GP6: variants seen among roughly 807,000 people sequenced by gnomAD.
The protein encoded by GP6 is glycoprotein VI platelet.
Under a neutral mutation model 37.3 loss-of-function variants are expected in GP6, and 45 were observed. The observed-to-expected ratio is 1.21, with a 90% CI of 0.95 to 1.55. The LOEUF is 1.55. GP6 is among the 40% of genes most tolerant of loss of function. GP6 has a pLI of 0.00. For synonymous variants in GP6, 340 were observed against 316.4 expected, an observed-to-expected ratio of 1.07 and a Z score of -0.79; for missense variants, 813 against 760.2, an observed-to-expected ratio of 1.07 and a Z score of -0.82.
intron 1 of GP6, among the ~76,000 whole-genome samples, chr19:55,033,540 C>T (rs945077921): frequency 2.7e-5 from 4 of 149,416 alleles, no homozygotes; most frequent in Non-Finnish European, 4.4e-5. Context: ...GTGTTAGACA[C>T]GGTGGGCTCG....
chr19:55,015,726 A>G lies in GP6; in HGVS notation c.732T>C (p.Ser244=), dbSNP rs760286317. The G allele has an allele frequency of 4.5e-6, 7 of 1,557,844 alleles. No homozygotes were observed. Among genetic ancestry groups the G allele is most frequent in the Non-Finnish European group, 6.2e-6 (7 of 1,128,296 alleles). Residue 244 remains serine (S), a synonymous_variant, in exon 7 of 8, where the codon TCT becomes TCC. Transcript: ENST00000310373. ...CCTTTGGACTGGCGGTGATACTCCT[A>G]GAAGTCTCTGGGAACCAAACAAAGG... is the stretch of plus-strand genomic sequence containing the variant.
Position 55,038,208 on chromosome 19 carries a change from C to T in GP6, c.29G>A (p.Cys10Tyr). Residue 10 changes from cysteine to tyrosine, a missense_variant, in exon 1 of 8, where the codon TGT (cysteine) becomes TAT (tyrosine). Cys to Tyr is a radical substitution (Grantham distance 194). Transcript: ENST00000310373. ...ATCTGACCCTCAGGACTCACCAAGA[C>T]AGAAGAGGGCGGTCGGGGATGGAGA... 1 of 1,592,552 alleles carries T rather than the reference C, an allele frequency of 6.3e-7. No homozygotes were observed. The highest frequency in any genetic ancestry group is 8.6e-7 in the Non-Finnish European group (1 of 1,168,324).
At position 55,032,455 on chromosome 19, in the gene GP6, T is replaced by C. The variant is rs1671204; in HGVS notation, c.67+51A>G. ...GCAGACCCCGCCTGGACCCCGCTGC[T>C]CCCGCGCTGGCGGATCCCGCAGGAG... On this transcript the variant is annotated intron_variant, in intron 2 of 7. Transcript: ENST00000310373. 8.6e-4 allele frequency: 1,384 copies of C among 1,613,178 alleles called. 14 individuals carry two copies. The African/African-American group carries it at 0.016, about 19-fold the overall frequency.
intron 5 of GP6, 75 bp from the exon 6 acceptor site, chr19:55,018,786 G>T: frequency 1.0e-6 from 1 of 981,968 alleles, no homozygotes; most frequent in Non-Finnish European, 1.7e-6. Context: ...CCCCTTTTGA[G>T]ATATCTAGGC....
At chr19:55,024,756 C>T (rs535233009) in intron 5 of GP6, among the ~76,000 whole-genome samples, 2 of 152,248 alleles carry the variant, frequency 1.3e-5, no homozygotes, top group South Asian at 2.1e-4. Context: ...GAAGCAGAAG[C>T]CCTGGGGGCT....
chr19:55,029,370 ATATATTTTTTTTTTTTTTTTTTTTTTT>A (rs2074469964), intron 3 of GP6, among the ~76,000 whole-genome samples: 2 of 2,484 alleles, frequency 8.1e-4, no homozygotes, highest in African/African-American at 3.2e-3. Context: ...ATATATATAT[ATATATTTTTTTTTTTTTTTTTTTTTTT>A]TTTTTTTTTG....
At position 55,014,415 on chromosome 19, in the gene GP6, A is replaced by T. The variant is rs755635088; in HGVS notation, c.1530T>A (p.Gly510=). Reference sequence around the variant, plus strand: ...ATGACATACCCAAACTGCCTGCAAGACCCGTTCTGAGAGACGAAAGGAGAT... The same window carrying T: ...ATGACATACCCAAACTGCCTGCAAGTCCCGTTCTGAGAGACGAAAGGAGAT... Residue 510 remains glycine (G), a synonymous_variant, in exon 8 of 8, where the codon GGT becomes GGA. Coordinates refer to ENST00000310373, the MANE Select transcript of GP6 (RefSeq NM_001083899.2). 3 of 1,613,616 alleles carry T rather than the reference A, an allele frequency of 1.9e-6. No individual in the cohort carries two copies. Among genetic ancestry groups the T allele is most frequent in the South Asian group, 2.2e-5 (2 of 91,076 alleles).
At chr19:55,030,917 C>T (rs1252603813) in intron 3 of GP6, among the ~76,000 whole-genome samples, 1 of 152,012 alleles carries the variant, frequency 6.6e-6, no homozygotes, top group Admixed American at 6.6e-5. Flanking sequence ...GGCGTGATCA[C>T]AGCTCCCTGC....
chr19:55,014,128 A>T lies in GP6; in HGVS notation c.1817T>A (p.Phe606Tyr), dbSNP rs1357308390. 1 of 691,106 alleles carries T rather than the reference A, an allele frequency of 1.4e-6. No individual in the cohort carries two copies. Among genetic ancestry groups the T allele is most frequent in the Admixed American group, 2.0e-5 (1 of 49,636 alleles). 42.8% of individuals were successfully genotyped at this position (691,106 alleles called of 1,614,324 possible). A position where few individuals can be genotyped will look rare whatever the true frequency, so the allele number is the denominator to read the frequency against. Residue 606 changes from phenylalanine to tyrosine, a missense_variant, in exon 8 of 8, where the codon TTT (phenylalanine) becomes TAT (tyrosine). Coordinates refer to ENST00000310373, the MANE Select transcript of GP6 (RefSeq NM_001083899.2). ...ATTCATCCCTGTATTTTTTGAGACA[A>T]AGTCAGGCTTCGTCACCCGAGCTAG...
rs762615626 is a variant in GP6 at position 55,027,864 on chromosome 19, T to A, written c.326-2A>T. 6.2e-7 allele frequency: 1 copy of A among 1,614,060 alleles called. No individual in the cohort carries two copies. The highest frequency in any genetic ancestry group is 8.5e-7 in the Non-Finnish European group (1 of 1,179,950). ...AGAGCGAGGGTTTGGCAAAAACTCC[T>A]GGGAGAAAAAGAAAGTCTGATGTTG... On this transcript the variant is annotated splice_acceptor_variant, in intron 3 of 7. Transcript: ENST00000310373. LOFTEE classifies it high-confidence loss of function.
At chr19:55,020,167 CTT>C (rs1224762360) in intron 5 of GP6, among the ~76,000 whole-genome samples, 4 of 148,462 alleles carry the variant, frequency 2.7e-5, no homozygotes, top group Admixed American at 2.0e-4. Context: ...ATTATTTGGT[CTT>C]TGTTATTTCT....
intron 1 of GP6, among the ~76,000 whole-genome samples, chr19:55,036,733 CTGGGTGCG>C (rs1199983271): frequency 6.6e-6 from 1 of 151,252 alleles, no homozygotes; most frequent in East Asian, 2.0e-4. Context: ...TTAAAACAGG[CTGGGTGCG>C]GTGGCTCACG....
chr19:55,020,064 G>A (rs2146739978), intron 5 of GP6, among the ~76,000 whole-genome samples: 1 of 152,096 alleles, frequency 6.6e-6, no homozygotes, highest in Non-Finnish European at 1.5e-5. Context: ...TCTTGTTGCA[G>A]TGGGTACTAT....
chr19:55,037,335 ATTTTTTTTTT>A (rs200634689), intron 1 of GP6, among the ~76,000 whole-genome samples: 4 of 138,276 alleles, frequency 2.9e-5, no homozygotes, highest in African/African-American at 1.1e-4. Flanking sequence ...CAATTCCACA[ATTTTTTTTTT>A]TTTTTTTTTG....
At chr19:55,034,332 G>A (rs188038875) in intron 1 of GP6, among the ~76,000 whole-genome samples, 82 of 152,080 alleles carry the variant, frequency 5.4e-4, no homozygotes, top group Admixed American at 1.6e-3. Context: ...CAGGGTGGGC[G>A]GATCACAAGG....
chr19:55,022,400 C>A (rs2074118022), intron 5 of GP6, among the ~76,000 whole-genome samples: 1 of 152,088 alleles, frequency 6.6e-6, no homozygotes, highest in South Asian at 2.1e-4. Context: ...CATTTATTAA[C>A]CCACAGCCAA....
intron 3 of GP6, among the ~76,000 whole-genome samples, chr19:55,031,539 G>A (rs1161880256): frequency 1.3e-5 from 2 of 152,192 alleles, no homozygotes; most frequent in Admixed American, 1.3e-4. Context: ...GGCACTGGCT[G>A]ATTCTGCCTT....
chr19:55,037,254 C>T (rs1401891667), intron 1 of GP6, among the ~76,000 whole-genome samples: 2 of 152,110 alleles, frequency 1.3e-5, no homozygotes, highest in African/African-American at 4.8e-5. Flanking sequence ...TGCCACCCAT[C>T]CATCAGGAGA....
At chr19:55,019,973 C>CGGCCA (rs1193019903) in intron 5 of GP6, among the ~76,000 whole-genome samples, 3 of 152,118 alleles carry the variant, frequency 2.0e-5, no homozygotes, top group Non-Finnish European at 4.4e-5. Context: ...CCACCGCGCC[C>CGGCCA]GGCCAGGCCA....
Sources: allele counts gnomAD v4.1 joint callset (sites outside exome capture counted in the v4.1 genomes callset), GRCh38; gene constraint gnomAD v4.1.1; transcripts MANE v1.5; gene names NCBI Gene and HGNC (gene_info 2026-07-23, HGNC 2026-07-21).